The following CALCR variants were observed in gnomAD, a reference collection of about 807,000 sequenced individuals.
CALCR encodes the protein calcitonin receptor.
CALCR carries 47 observed loss-of-function variants against 59.5 expected under a neutral mutation model. The observed-to-expected ratio is 0.79, with a 90% CI of 0.63 to 1.01. The LOEUF (loss-of-function observed/expected upper bound fraction) is 1.01, where lower values mean the gene tolerates loss of function less well. Among genes scored for constraint, CALCR ranks in the 50% least tolerant of loss-of-function variants. The pLI is 0.00. For missense variants in CALCR, 566 were observed against 597.1 expected (o/e 0.95, Z 0.54); for synonymous variants, 213 against 211.3 (o/e 1.01, Z -0.07).
Position 93,531,623 on chromosome 7 carries a change from T to C in CALCR, c.-27+42666A>G, listed in dbSNP as rs929100496. ...TCACAATTCCATGGGAATATGGATA[T>C]ATGTGATCTTACAATTATATTTACA... On this transcript the variant is annotated intron_variant, in intron 2 of 13. Transcript: ENST00000426151. Among the ~76,000 whole-genome samples, 9 of 152,262 alleles carry C rather than the reference T, an allele frequency of 5.9e-5. No homozygotes were observed. The East Asian group carries it at 1.7e-3, about 29-fold the overall frequency.
rs1800317207 is a variant in CALCR at position 93,460,791 on chromosome 7, A to G, written c.648+30T>C. 2.6e-6 allele frequency: 4 copies of G among 1,543,622 alleles called. No individual in the cohort carries two copies. In the East Asian group the frequency reaches 9.5e-5, roughly 36 times the overall value. The stretch of plus-strand genomic sequence containing the variant: ...TACAGGTACTATATCCTTTAAAATA[A>G]AAGTAAAAACAAAACTATGCAGTAC... On this transcript the variant is annotated intron_variant, in intron 8 of 13. Coordinates refer to ENST00000426151, the MANE Select transcript of CALCR (RefSeq NM_001742.4).
chr7:93,486,154 C>T (rs1800939194), intron 3 of CALCR, among the ~76,000 whole-genome samples: 1 of 151,500 alleles, frequency 6.6e-6, no homozygotes, highest in Non-Finnish European at 1.5e-5. Context: ...GCAAATGTTA[C>T]TCTGATGTGA....
At chr7:93,544,078 G>A (rs1290977826) in intron 2 of CALCR, among the ~76,000 whole-genome samples, 1 of 151,854 alleles carries the variant, frequency 6.6e-6, no homozygotes, top group Non-Finnish European at 1.5e-5. Flanking sequence ...TGACAATTAT[G>A]ACCATAAATG....
intron 2 of CALCR, among the ~76,000 whole-genome samples, chr7:93,548,839 A>AGT (rs754317267): frequency 0.13 from 17,595 of 137,284 alleles, 1,078 homozygotes; most frequent in Non-Finnish European, 0.15. Flanking sequence ...ATCCAGAAGA[A>AGT]GTGTGTGTGT....
intron 2 of CALCR, among the ~76,000 whole-genome samples, chr7:93,524,363 G>A (rs778962911): frequency 4.6e-5 from 7 of 151,736 alleles, no homozygotes; most frequent in Non-Finnish European, 7.4e-5. Flanking sequence ...GTAGAGACGC[G>A]GTTTCACCGT....
intron 2 of CALCR, among the ~76,000 whole-genome samples, chr7:93,506,696 C>G (rs1480125698): frequency 6.6e-6 from 1 of 150,962 alleles, no homozygotes; most frequent in Non-Finnish European, 1.5e-5. Flanking sequence ...ATAAGACCAG[C>G]AGATTCTCAG....
At chr7:93,558,128 CTTTT>C (rs532827246) in intron 2 of CALCR, among the ~76,000 whole-genome samples, 1 of 140,860 alleles carries the variant, frequency 7.1e-6, no homozygotes, top group Non-Finnish European at 1.6e-5. Flanking sequence ...TTTTTAACAC[CTTTT>C]TTTTTTTTTT....
rs117285400 is a variant in CALCR at position 93,554,505 on chromosome 7, A to T, written c.-27+19784T>A. On this transcript the variant is annotated intron_variant, in intron 2 of 13. Transcript: ENST00000426151. ...AACCCTGTCATAATTCATTTCCAAC[A>T]AGGGATTTATACTGATCTTTTACCC... Among the ~76,000 whole-genome samples, 41 of 152,150 alleles carry T rather than the reference A, an allele frequency of 2.7e-4. No individual in the cohort carries two copies. The East Asian group carries it at 7.6e-3, about 28-fold the overall frequency.
intron 5 of CALCR, among the ~76,000 whole-genome samples, chr7:93,475,337 T>G (rs1016379343): frequency 4.0e-5 from 6 of 151,842 alleles, no homozygotes; most frequent in African/African-American, 1.4e-4. Flanking sequence ...TTTACTGAGA[T>G]AGCCACTAGA....
chr7:93,505,280 T>G (rs555063420), intron 2 of CALCR, among the ~76,000 whole-genome samples: 1 of 152,326 alleles, frequency 6.6e-6, no homozygotes, highest in East Asian at 1.9e-4. Flanking sequence ...GCATCTGTTT[T>G]TGTCAAAGCA....
intron 2 of CALCR, among the ~76,000 whole-genome samples, chr7:93,560,805 G>A (rs932785579): frequency 6.6e-6 from 1 of 152,040 alleles, no homozygotes; most frequent in South Asian, 2.1e-4. Context: ...GTGGGTGAGG[G>A]ATAACCAAAA....
chr7:93,478,297 TA>T (rs1584567890), intron 4 of CALCR, among the ~76,000 whole-genome samples: 1 of 151,836 alleles, frequency 6.6e-6, no homozygotes, highest in Non-Finnish European at 1.5e-5. Context: ...AGGAAAATGG[TA>T]AAAATAAGAA....
intron 2 of CALCR, among the ~76,000 whole-genome samples, chr7:93,517,058 G>C (rs1451933102): frequency 1.3e-5 from 2 of 151,824 alleles, no homozygotes; most frequent in African/African-American, 2.4e-5. Flanking sequence ...GGTATCATAA[G>C]GTTGCAAGGA....
intron 2 of CALCR, among the ~76,000 whole-genome samples, chr7:93,492,215 G>C (rs1448925614): frequency 6.6e-6 from 1 of 151,486 alleles, no homozygotes; most frequent in Admixed American, 6.6e-5. Flanking sequence ...TGAACACAGA[G>C]AGGGGAACAA....
At chr7:93,460,396 A>C (rs1800290742) in intron 8 of CALCR, among the ~76,000 whole-genome samples, 1 of 151,216 alleles carries the variant, frequency 6.6e-6, no homozygotes, top group Non-Finnish European at 1.5e-5. Flanking sequence ...TCTACTAAAA[A>C]TACAAAAAAA....
chr7:93,469,189 C>T (rs1397080012), intron 6 of CALCR, among the ~76,000 whole-genome samples: 1 of 151,726 alleles, frequency 6.6e-6, no homozygotes, highest in Admixed American at 6.6e-5. Context: ...AAGCAGTAAT[C>T]GACTTTCCAA....
At chr7:93,430,164 T>C (rs1001522299) in intron 13 of CALCR, among the ~76,000 whole-genome samples, 2 of 152,120 alleles carry the variant, frequency 1.3e-5, no homozygotes, top group African/African-American at 4.8e-5. Flanking sequence ...CTCAATCTCC[T>C]GACCTTGTGA....
At chr7:93,569,105 G>A (rs1789940497) in intron 2 of CALCR, among the ~76,000 whole-genome samples, 1 of 150,846 alleles carries the variant, frequency 6.6e-6, no homozygotes, top group African/African-American at 2.4e-5. Flanking sequence ...TCTCCAACAA[G>A]GAGGCCCTAA....
intron 2 of CALCR, among the ~76,000 whole-genome samples, chr7:93,509,745 G>C (rs940392259): frequency 6.6e-6 from 1 of 152,038 alleles, no homozygotes; most frequent in Non-Finnish European, 1.5e-5. Context: ...CTGTGTCCCT[G>C]ACTACGAACT....
Sources: gnomAD v4.1 joint callset for allele counts (sites outside exome capture counted in the v4.1 genomes callset) on GRCh38, gnomAD v4.1.1 for gene constraint, MANE v1.5 for transcripts, NCBI Gene and HGNC (gene_info 2026-07-23, HGNC 2026-07-21) for gene names.